Variants in MIPOL1 observed in about 807,000 individuals in gnomAD.
MIPOL1 encodes the protein mirror-image polydactyly 1, also known as mirror-image polydactyly gene 1 protein.
Under a neutral mutation model 60.9 loss-of-function variants are expected in MIPOL1, and 57 were observed. The ratio of observed to expected loss-of-function variants is 0.94; its 90% confidence interval spans 0.76 to 1.17. The LOEUF is 1.17. Ranked by LOEUF, MIPOL1 falls within the 50% of genes most tolerant of loss-of-function variation. The probability of loss-of-function intolerance (pLI) is 0.00; values close to 1 mark genes in which losing one functional copy is unlikely to be tolerated. For missense variants in MIPOL1, 551 were observed against 511.6 expected (o/e 1.08, Z -0.74); for synonymous variants, 179 against 168.8 (o/e 1.06, Z -0.47).
At chr14:37,341,371 T>C (rs1031350584) in intron 9 of MIPOL1, among the ~76,000 whole-genome samples, 5 of 152,208 alleles carry the variant, frequency 3.3e-5, no homozygotes, top group Admixed American at 6.5e-5. Context: ...GCGTTCTGAT[T>C]TTAGCAAGTA....
intron 7 of MIPOL1, among the ~76,000 whole-genome samples, chr14:37,305,526 A>G (rs190871519): frequency 6.5e-4 from 98 of 151,898 alleles, no homozygotes; most frequent in African/African-American, 2.3e-3. Flanking sequence ...AATAATTACT[A>G]TTTGGCCATT....
intron 10 of MIPOL1, among the ~76,000 whole-genome samples, chr14:37,390,931 A>G (rs1332594578): frequency 6.6e-6 from 1 of 152,062 alleles, no homozygotes; most frequent in Admixed American, 6.6e-5. Flanking sequence ...GAAGCTCTTA[A>G]GTACACCAAG....
intron 1 of MIPOL1, among the ~76,000 whole-genome samples, chr14:37,244,104 CTTTTTTTTTTTTTT>C (rs143933758): frequency 2.1e-4 from 11 of 51,608 alleles, no homozygotes; most frequent in South Asian, 1.1e-3. Flanking sequence ...GACTCACTTC[CTTTTTTTTTTTTTT>C]TTTTTTTTTT....
intron 11 of MIPOL1, among the ~76,000 whole-genome samples, chr14:37,497,388 C>T (rs1024877985): frequency 6.6e-6 from 1 of 152,198 alleles, no homozygotes; most frequent in African/African-American, 2.4e-5. Flanking sequence ...CCAAACGAAG[C>T]TGTCTCACTG....
In MIPOL1 at chr14:37,318,927, C is replaced by T. The variant is rs546088610; in HGVS notation, c.828+10408C>T. The stretch of plus-strand genomic sequence containing the variant: ...GTGGTTCAGCTCACTGCAGCCTTGA[C>T]GTCCCAGGCTCAGGTGATCCTCCAA... On this transcript the variant is annotated intron_variant, in intron 9 of 12. Transcript: ENST00000684589. 4.6e-5 allele frequency among the ~76,000 whole-genome samples: 7 copies of T among 152,192 alleles called. No homozygotes were observed. In the East Asian group the frequency reaches 7.7e-4, roughly 17 times the overall value.
intron 9 of MIPOL1, among the ~76,000 whole-genome samples, chr14:37,356,491 C>T (rs1009548375): frequency 1.3e-4 from 20 of 152,096 alleles, no homozygotes; most frequent in African/African-American, 2.2e-4. Context: ...CAATGGCGGG[C>T]GCCCCTCCCC....
At position 37,197,966 on chromosome 14, in the gene MIPOL1, C is replaced by G. The variant is rs1323425339; in HGVS notation, c.-337C>G. 3 of 152,256 alleles carry G rather than the reference C, an allele frequency of 2.0e-5. No homozygotes were observed. The East Asian group carries it at 5.8e-4, about 29-fold the overall frequency. 9.4% of individuals were successfully genotyped at this position (152,256 alleles called of 1,614,324 possible). ...CCCACGCGCCGCCCCGCTCCTCCGC[C>G]GGATCGTCTGTGGGTGAGTCTCGAG... On this transcript the variant is annotated 5_prime_UTR_variant, in exon 1 of 13. Coordinates refer to ENST00000684589, the MANE Select transcript of MIPOL1 (RefSeq NM_001388067.1).
chr14:37,539,158 T>C (rs568219997), intron 12 of MIPOL1, among the ~76,000 whole-genome samples: 12 of 151,674 alleles, frequency 7.9e-5, no homozygotes, highest in Admixed American at 1.3e-4. Context: ...GCCGAGATCG[T>C]GCCACTGCAC....
At chr14:37,529,010 G>A (rs2095464628) in intron 12 of MIPOL1, among the ~76,000 whole-genome samples, 1 of 152,138 alleles carries the variant, frequency 6.6e-6, no homozygotes, top group South Asian at 2.1e-4. Flanking sequence ...ATAGAACATA[G>A]CATTCGAAGT....
chr14:37,239,136 C>T (rs1971965582), intron 1 of MIPOL1, among the ~76,000 whole-genome samples: 1 of 150,230 alleles, frequency 6.7e-6, no homozygotes, highest in Non-Finnish European at 1.5e-5. Context: ...AACTCTGCCT[C>T]CCAGGTTCAC....
chr14:37,540,782 G>T (rs1024014006), intron 12 of MIPOL1, among the ~76,000 whole-genome samples: 1 of 152,086 alleles, frequency 6.6e-6, no homozygotes, highest in African/African-American at 2.4e-5. Context: ...TTTACCAGTA[G>T]CCCACTAGAC....
intron 10 of MIPOL1, among the ~76,000 whole-genome samples, chr14:37,394,302 G>T (rs2093329785): frequency 6.6e-6 from 1 of 151,674 alleles, no homozygotes; most frequent in African/African-American, 2.4e-5. Flanking sequence ...TGGATTAAAT[G>T]ATAACTCTAC....
chr14:37,254,556 AC>A (rs1336556702), intron 3 of MIPOL1, among the ~76,000 whole-genome samples: 1 of 151,722 alleles, frequency 6.6e-6, no homozygotes, highest in Non-Finnish European at 1.5e-5. Flanking sequence ...CCCCACAAAC[AC>A]CCAACCTCTG....
intron 12 of MIPOL1, chr14:37,506,791 A>G (rs1472257353): frequency 6.6e-6 from 1 of 152,330 alleles, no homozygotes; most frequent in East Asian, 1.9e-4. Context: ...AAAAGAAACT[A>G]TCATCAGAGT....
intron 10 of MIPOL1, among the ~76,000 whole-genome samples, chr14:37,407,111 CTA>C (rs2093601028): frequency 6.6e-6 from 1 of 151,912 alleles, no homozygotes; most frequent in Non-Finnish European, 1.5e-5. Context: ...ATATCAGACA[CTA>C]AAAATAAAAA....
chr14:37,209,082 C>T (rs1419808508), intron 1 of MIPOL1, among the ~76,000 whole-genome samples: 1 of 152,090 alleles, frequency 6.6e-6, no homozygotes, highest in Non-Finnish European at 1.5e-5. Flanking sequence ...CTACATATCA[C>T]TAGATTTTCT....
intron 11 of MIPOL1, among the ~76,000 whole-genome samples, chr14:37,485,122 C>T (rs1166802672): frequency 2.0e-5 from 3 of 152,236 alleles, no homozygotes; most frequent in East Asian, 3.9e-4. Flanking sequence ...TGTTAGTTTG[C>T]TGAGAATGAT....
At chr14:37,202,980 A>G (rs892765778) in intron 1 of MIPOL1, among the ~76,000 whole-genome samples, 6 of 152,184 alleles carry the variant, frequency 3.9e-5, no homozygotes, top group Non-Finnish European at 8.8e-5. Context: ...TAGTACGTCC[A>G]GCTACCTGGG....
At chr14:37,473,309 A>G (rs866151993) in intron 11 of MIPOL1, among the ~76,000 whole-genome samples, 17 of 152,288 alleles carry the variant, frequency 1.1e-4, no homozygotes, top group African/African-American at 3.6e-4. Context: ...GGCCCTCACC[A>G]GAAGCCCAAT....
Sources: allele counts gnomAD v4.1 joint callset (sites outside exome capture counted in the v4.1 genomes callset), GRCh38; gene constraint gnomAD v4.1.1; transcripts MANE v1.5; gene names NCBI Gene and HGNC (gene_info 2026-07-23, HGNC 2026-07-21).